The following CXADR variants were observed in gnomAD, a reference collection of about 807,000 sequenced individuals.
The protein encoded by CXADR is CXADR cell adhesion molecule, also known as coxsackievirus and adenovirus receptor.
CXADR carries 20 observed loss-of-function variants against 40.3 expected under a neutral mutation model. The observed-to-expected ratio is 0.50, with a 90% CI of 0.35 to 0.72. CXADR has a LOEUF of 0.72. CXADR is among the 30% of genes least tolerant of loss of function. The probability of loss-of-function intolerance (pLI) is 0.01; values close to 1 mark genes in which losing one functional copy is unlikely to be tolerated. For missense variants in CXADR, 332 were observed against 449.1 expected, an observed-to-expected ratio of 0.74 and a Z score of 2.36; for synonymous variants, 150 against 161.3, an observed-to-expected ratio of 0.93 and a Z score of 0.53.
chr21:17,609,434 G>A, the CXADR span, among the ~76,000 whole-genome samples: 1 of 152,134 alleles, frequency 6.6e-6, no homozygotes, highest in Admixed American at 6.5e-5. Context: ...ACACCTATCA[G>A]TAAAAGAGAA....
chr21:17,569,927 G>A lies in CXADR; in HGVS notation c.*4235G>A, dbSNP rs1027351997. 61 of 985,220 alleles carry A rather than the reference G, an allele frequency of 6.2e-5. 1 individual carries two copies. Among genetic ancestry groups the A allele is most frequent in the South Asian group, 9.4e-5 (2 of 21,276 alleles). The allele number at this position is 985,220 out of a possible 1,614,324, so 61.0% of individuals were successfully genotyped here. A position where few individuals can be genotyped will look rare whatever the true frequency, so the allele number is the denominator to read the frequency against. ...TGAGGAAAATATTCTGACACTTCACGTGTGCAAAGTATAGAACTGACAGTG... is the reference window on the plus strand; with the variant it reads ...TGAGGAAAATATTCTGACACTTCACATGTGCAAAGTATAGAACTGACAGTG... On this transcript the variant is annotated 3_prime_UTR_variant, in exon 7 of 7. Coordinates refer to ENST00000284878, the MANE Select transcript of CXADR (RefSeq NM_001338.5).
In CXADR at chr21:17,567,982, A is replaced by G. The variant is rs541217767; in HGVS notation, c.*2290A>G. 12 of 985,216 alleles carry G rather than the reference A, an allele frequency of 1.2e-5. No individual in the cohort carries two copies. In the South Asian group the frequency reaches 2.8e-4, roughly 23 times the overall value. 61.0% of individuals were successfully genotyped at this position (985,216 alleles called of 1,614,324 possible). A position where few individuals can be genotyped will look rare whatever the true frequency, so the allele number is the denominator to read the frequency against. On this transcript the variant is annotated 3_prime_UTR_variant, in exon 7 of 7. Coordinates refer to ENST00000284878, the MANE Select transcript of CXADR (RefSeq NM_001338.5). ...AAAATTCTGTCAGCCAAATAGTACCAATACGTTTTCAAGTAGTTCTCACTG... is the reference window on the plus strand; with the variant it reads ...AAAATTCTGTCAGCCAAATAGTACCGATACGTTTTCAAGTAGTTCTCACTG...
chr21:17,621,463 T>C, the CXADR span, among the ~76,000 whole-genome samples: 1 of 152,022 alleles, frequency 6.6e-6, no homozygotes, highest in East Asian at 1.9e-4. Context: ...TTAGAAAGGA[T>C]CAAAAGGAAA....
the CXADR span, among the ~76,000 whole-genome samples, chr21:17,632,426 T>C: frequency 6.6e-6 from 1 of 152,020 alleles, no homozygotes; most frequent in Non-Finnish European, 1.5e-5. Context: ...AAAGAACAGA[T>C]AAGGAAAGCA....
At chr21:17,530,286 CTT>C (rs1331499337) in intron 1 of CXADR, 1 of 351,944 alleles carries the variant, frequency 2.8e-6, no homozygotes, top group East Asian at 9.7e-5. Flanking sequence ...TTTTTCCACT[CTT>C]TTCTGATTTC....
At chr21:17,590,744 G>A (rs924793347) in intron 7 of CXADR, among the ~76,000 whole-genome samples, 1 of 151,534 alleles carries the variant, frequency 6.6e-6, no homozygotes, top group Non-Finnish European at 1.5e-5. Context: ...TAACTGATAA[G>A]TAAGAAAAAA....
intron 1 of CXADR, among the ~76,000 whole-genome samples, chr21:17,545,153 C>T (rs561427729): frequency 1.4e-5 from 2 of 141,964 alleles, no homozygotes; most frequent in East Asian, 4.3e-4. Context: ...TGAACCATAC[C>T]ATATCTTAGT....
intron 1 of CXADR, chr21:17,518,812 T>C: frequency 6.4e-7 from 1 of 1,567,382 alleles, no homozygotes; most frequent in Admixed American, 1.7e-5. Context: ...TGTCCCATCA[T>C]CTTTAATCAT....
intron 5 of CXADR, among the ~76,000 whole-genome samples, 163 bp downstream of exon 5, chr21:17,560,987 A>C (rs747735436): frequency 6.6e-6 from 1 of 152,226 alleles, no homozygotes; most frequent in Non-Finnish European, 1.5e-5. Context: ...TTTATTAAAA[A>C]AACTTCATAA....
chr21:17,564,449 TTATAA>T (rs1336044143), intron 6 of CXADR, among the ~76,000 whole-genome samples: 1 of 152,072 alleles, frequency 6.6e-6, no homozygotes, highest in Non-Finnish European at 1.5e-5. Context: ...TAAATAATTG[TTATAA>T]TGTATTGTTT....
At chr21:17,597,392 A>G (rs2061517866), downstream of CXADR, among the ~76,000 whole-genome samples, 1 of 152,184 alleles carries the variant, frequency 6.6e-6, no homozygotes, top group South Asian at 2.1e-4. Context: ...ACAGAGAAAA[A>G]AAATGCCTCA....
Position 17,552,029 on chromosome 21 carries a change from TG to T in CXADR, c.415+77del, listed in dbSNP as rs370936221. On this transcript the variant is annotated intron_variant, in intron 3 of 6. Coordinates refer to ENST00000284878, the MANE Select transcript of CXADR (RefSeq NM_001338.5). The stretch of plus-strand genomic sequence containing the variant: ...GTCATAGTACTGTAGTAGCAGCACT[TG>T]TATAAAATAAAGCTTAATTTTTTAG... 4.9e-4 allele frequency: 541 copies of T among 1,093,254 alleles called. 6 individuals carry two copies. The South Asian group carries it at 7.4e-3, about 15-fold the overall frequency. 67.7% of individuals were successfully genotyped at this position (1,093,254 alleles called of 1,614,324 possible).
chr21:17,518,444 A>T, intron 1 of CXADR: 1 of 695,890 alleles, frequency 1.4e-6, no homozygotes, highest in East Asian at 2.5e-5. Context: ...GTAACAGGTG[A>T]TGTTCTCTGT....
chr21:17,633,165 C>A, the CXADR span: 9 of 152,146 alleles, frequency 5.9e-5, no homozygotes, highest in African/African-American at 2.2e-4. Context: ...GGAGAGCTCT[C>A]CCTGAAGTTC....
At chr21:17,612,768 G>C in the CXADR span, 1 of 152,240 alleles carries the variant, frequency 6.6e-6, no homozygotes, top group Non-Finnish European at 1.5e-5. Context: ...GGGAACTGAG[G>C]GCTCCGCCTC....
At chr21:17,539,404 A>G (rs1045326923) in intron 1 of CXADR, among the ~76,000 whole-genome samples, 4 of 152,234 alleles carry the variant, frequency 2.6e-5, no homozygotes, top group Non-Finnish European at 5.9e-5. Context: ...CCTATTACCT[A>G]AACAGACTTC....
At chr21:17,531,065 C>T (rs754297405) in intron 1 of CXADR, among the ~76,000 whole-genome samples, 7 of 151,866 alleles carry the variant, frequency 4.6e-5, no homozygotes, top group African/African-American at 1.2e-4. Flanking sequence ...TTTGGGAGGT[C>T]GAGGTGGGTG....
chr21:17,608,977 G>A, the CXADR span: 5 of 1,612,980 alleles, frequency 3.1e-6, no homozygotes, highest in African/African-American at 1.3e-5. Flanking sequence ...TTTACCTGTA[G>A]GCCTGTCCTT....
the CXADR span, chr21:17,604,739 TGA>T: frequency 9.8e-6 from 12 of 1,226,808 alleles, no homozygotes; most frequent in East Asian, 1.8e-4. Context: ...AATTTACATC[TGA>T]GAGAGTTAAA....
Sources: gnomAD v4.1 joint callset for allele counts (sites outside exome capture counted in the v4.1 genomes callset) on GRCh38, gnomAD v4.1.1 for gene constraint, MANE v1.5 for transcripts, NCBI Gene and HGNC (gene_info 2026-07-23, HGNC 2026-07-21) for gene names.